Variants in SLC39A11 observed in about 807,000 individuals in gnomAD.
SLC39A11 encodes the protein zinc transporter ZIP11.
A neutral mutation model predicts 36.1 loss-of-function variants in SLC39A11; 33 were observed. That is an observed-to-expected ratio of 0.91 (90% confidence interval 0.69 to 1.22). The LOEUF (loss-of-function observed/expected upper bound fraction) is 1.22. Ranked by LOEUF, SLC39A11 falls within the 50% of genes most tolerant of loss-of-function variation. The pLI is 0.00. For missense variants in SLC39A11, 432 were observed against 430.3 expected, an observed-to-expected ratio of 1.00 and a Z score of -0.03; for synonymous variants, 166 against 170.3, an observed-to-expected ratio of 0.97 and a Z score of 0.20.
rs141262714 is a variant in SLC39A11, at chr17:72,939,533, A to T, written c.430+8219T>A. 1.0e-3 allele frequency among the ~76,000 whole-genome samples: 154 copies of T among 152,296 alleles called. 2 individuals are homozygous for T. In the East Asian group the frequency reaches 0.021, roughly 21 times the overall value. ...GTAATTAGTTAAGAAGCAGTCATACAGGATTAAGTGAGCCCTAAATCCAAT... is the reference window on the plus strand; with the variant it reads ...GTAATTAGTTAAGAAGCAGTCATACTGGATTAAGTGAGCCCTAAATCCAAT... On this transcript the variant is annotated intron_variant, in intron 5 of 9. Coordinates refer to ENST00000255559, the MANE Select transcript of SLC39A11 (RefSeq NM_139177.4).
At chr17:72,843,107 G>A (rs190954080) in intron 6 of SLC39A11, among the ~76,000 whole-genome samples, 4 of 151,910 alleles carry the variant, frequency 2.6e-5, no homozygotes, top group East Asian at 3.9e-4. Context: ...GTGCCACCAC[G>A]CCCAGCTAAT....
intron 7 of SLC39A11, among the ~76,000 whole-genome samples, chr17:72,683,288 T>A (rs531752342): frequency 3.2e-4 from 49 of 151,640 alleles, no homozygotes; most frequent in Non-Finnish European, 5.3e-4. Context: ...ATAGATCCAA[T>A]GTCATGATTT....
chr17:72,838,201 G>T, intron 6 of SLC39A11: 1 of 393,156 alleles, frequency 2.5e-6, no homozygotes, highest in Non-Finnish European at 4.5e-6. Context: ...TAAAACCACT[G>T]AATTGTGAAA....
chr17:72,904,468 C>T (rs867212423), intron 5 of SLC39A11, among the ~76,000 whole-genome samples: 4 of 152,084 alleles, frequency 2.6e-5, no homozygotes, highest in Non-Finnish European at 2.9e-5. Context: ...CTATCAGCTT[C>T]ACTCTGGTCT....
At chr17:72,985,234 G>A (rs531448553) in intron 4 of SLC39A11, among the ~76,000 whole-genome samples, 2 of 152,306 alleles carry the variant, frequency 1.3e-5, no homozygotes, top group African/African-American at 4.8e-5. Context: ...CTAGCTGAGT[G>A]AGGGCCACGC....
At chr17:72,803,913 A>C (rs181162021) in intron 6 of SLC39A11, among the ~76,000 whole-genome samples, 280 of 151,632 alleles carry the variant, frequency 1.8e-3, no homozygotes, top group Middle Eastern at 0.01. Context: ...AACTTTCCAC[A>C]CAAGACAAAC....
intron 7 of SLC39A11, among the ~76,000 whole-genome samples, chr17:72,662,815 A>T (rs1346299850): frequency 1.3e-5 from 2 of 152,018 alleles, no homozygotes; most frequent in Non-Finnish European, 2.9e-5. Flanking sequence ...GAAGAAAGAG[A>T]GAAAGAAAGA....
chr17:72,959,325 G>GTGTGTGTGTGTGTGTGTGTGTGTGTA (rs1436484912), intron 4 of SLC39A11, among the ~76,000 whole-genome samples: 1 of 65,548 alleles, frequency 1.5e-5, no homozygotes, highest in African/African-American at 6.9e-5. Context: ...GTGTGTGTGT[G>GTGTGTGTGTGTGTGTGTGTGTGTGTA]TATATATATA....
intron 6 of SLC39A11, among the ~76,000 whole-genome samples, chr17:72,761,404 G>A (rs944407848): frequency 3.3e-5 from 5 of 152,000 alleles, no homozygotes; most frequent in Admixed American, 1.3e-4. Flanking sequence ...TGTGAGCCAT[G>A]CACCCAGCCC....
At chr17:72,781,744 G>A (rs555341298) in intron 6 of SLC39A11, among the ~76,000 whole-genome samples, 3 of 152,074 alleles carry the variant, frequency 2.0e-5, no homozygotes, top group Non-Finnish European at 4.4e-5. Flanking sequence ...ATACAAGCTC[G>A]TGTTGGGGTG....
intron 6 of SLC39A11, among the ~76,000 whole-genome samples, chr17:72,805,755 T>TC (rs1160467789): frequency 7.0e-6 from 1 of 143,266 alleles, no homozygotes; most frequent in Non-Finnish European, 1.5e-5. Flanking sequence ...TCTTTTTCTT[T>TC]TTTTTTTTTC....
At chr17:72,686,691 C>T (rs1386925539) in intron 7 of SLC39A11, among the ~76,000 whole-genome samples, 1 of 152,224 alleles carries the variant, frequency 6.6e-6, no homozygotes, top group African/African-American at 2.4e-5. Context: ...GCGTGTGCTC[C>T]ACAGGCAGGA....
chr17:73,041,193 C>G (rs529424889), intron 3 of SLC39A11, among the ~76,000 whole-genome samples: 2 of 152,222 alleles, frequency 1.3e-5, no homozygotes, highest in East Asian at 3.9e-4. Context: ...ACACAAGCTT[C>G]CAAATTCTCA....
At chr17:73,006,494 C>G (rs2090186121) in intron 4 of SLC39A11, among the ~76,000 whole-genome samples, 1 of 152,086 alleles carries the variant, frequency 6.6e-6, no homozygotes, top group Non-Finnish European at 1.5e-5. Context: ...GGAGAGACAG[C>G]AGCAGATGCT....
At chr17:72,966,671 G>A (rs1330646921) in intron 4 of SLC39A11, among the ~76,000 whole-genome samples, 6 of 152,076 alleles carry the variant, frequency 3.9e-5, no homozygotes, top group African/African-American at 1.2e-4. Flanking sequence ...CCGGGTTCAC[G>A]CCATTCTCCT....
chr17:72,669,890 G>A (rs1341711916), intron 7 of SLC39A11, among the ~76,000 whole-genome samples: 2 of 149,490 alleles, frequency 1.3e-5, no homozygotes, highest in Non-Finnish European at 3.0e-5. Context: ...ACGTATAGAT[G>A]TATATACACA....
chr17:72,774,605 C>T (rs951332630), intron 6 of SLC39A11, among the ~76,000 whole-genome samples: 2 of 152,174 alleles, frequency 1.3e-5, no homozygotes, highest in African/African-American at 4.8e-5. Flanking sequence ...GAAGTCATGC[C>T]TGGAGGGGGA....
intron 7 of SLC39A11, among the ~76,000 whole-genome samples, chr17:72,722,054 C>T (rs947535780): frequency 7.0e-6 from 1 of 143,504 alleles, no homozygotes; most frequent in African/African-American, 2.6e-5. Context: ...TGTCCCAGGG[C>T]CCCCATTTCC....
rs2079012685 is a variant in SLC39A11 at position 72,845,592 on chromosome 17, C to T, written c.601+4042G>A. On this transcript the variant is annotated intron_variant, in intron 6 of 9. Transcript: ENST00000255559. ...TTTTCTTTTTTTAAATCACTAACCA[C>T]CTTCTAACACAATATAAAATTCATT... Among the ~76,000 whole-genome samples the T allele has an allele frequency of 1.3e-5, 2 of 152,228 alleles. 1 individual carries two copies. Among genetic ancestry groups the T allele is most frequent in the Admixed American group, 1.3e-4 (2 of 15,284 alleles).
Sources: allele counts gnomAD v4.1 joint callset (sites outside exome capture counted in the v4.1 genomes callset), GRCh38; gene constraint gnomAD v4.1.1; transcripts MANE v1.5; gene names NCBI Gene and HGNC (gene_info 2026-07-23, HGNC 2026-07-21).